LRRC75A: variants seen among roughly 807,000 people sequenced by gnomAD.
LRRC75A encodes the protein leucine-rich repeat-containing protein 75A.
In LRRC75A, 12 loss-of-function variants were observed where a neutral mutation model predicts 26.0. The ratio of observed to expected loss-of-function variants is 0.46; its 90% confidence interval spans 0.30 to 0.75. LRRC75A has a LOEUF of 0.75. Ranked by LOEUF, LRRC75A falls within the 30% of genes least tolerant of loss-of-function variation. The pLI is 0.08. For synonymous variants in LRRC75A, 223 were observed against 219.3 expected, an observed-to-expected ratio of 1.02 and a Z score of -0.15; for missense variants, 410 against 486.6, an observed-to-expected ratio of 0.84 and a Z score of 1.48.
Position 16,461,489 on chromosome 17 carries a change from G to A in LRRC75A, c.375+769C>T, listed in dbSNP as rs533095540. Among the ~76,000 whole-genome samples the A allele has an allele frequency of 3.1e-3, 476 of 152,368 alleles. 1 individual carries two copies. Among genetic ancestry groups the A allele is most frequent in the Admixed American group, 5.4e-3 (82 of 15,312 alleles). On this transcript the variant is annotated intron_variant, in intron 2 of 3. Transcript: ENST00000470794. ...CAGGTCGGGCTGCATAGCCCTGGGG[G>A]AGCCTAGACCTGGAGCTGCAGGAAC...
chr17:16,466,167 A>G (rs2143240980), intron 1 of LRRC75A, among the ~76,000 whole-genome samples: 1 of 152,284 alleles, frequency 6.6e-6, no homozygotes, highest in South Asian at 2.1e-4. Context: ...CCCTCCCCTA[A>G]GCCAGGCTAT....
intron 2 of LRRC75A, among the ~76,000 whole-genome samples, chr17:16,455,423 G>A (rs1378501202): frequency 2.0e-5 from 3 of 150,984 alleles, no homozygotes; most frequent in Non-Finnish European, 2.9e-5. Flanking sequence ...TCTGTCGCCC[G>A]GCTGGAGTGC....
At chr17:16,454,417 C>A (rs1313389939) in intron 2 of LRRC75A, among the ~76,000 whole-genome samples, 1 of 120,500 alleles carries the variant, frequency 8.3e-6, no homozygotes, top group African/African-American at 3.2e-5. Context: ...ACAGGCCAGG[C>A]GTGGTGGCTC....
At position 16,462,482 on chromosome 17, in the gene LRRC75A, C is replaced by A; in HGVS notation, c.247-96G>T. The A allele has an allele frequency of 1.3e-6, 2 of 1,521,776 alleles. No individual in the cohort carries two copies. The highest frequency in any genetic ancestry group is 1.8e-6 in the Non-Finnish European group (2 of 1,128,032). 94.3% of individuals were successfully genotyped at this position (1,521,776 alleles called of 1,614,324 possible). ...AGTAGGCACAGACCCCTAGAGGCGA[C>A]TCTGCCTCCCAGAGCCCCGGTGGGG... On this transcript the variant is annotated intron_variant, in intron 1 of 3. Coordinates refer to ENST00000470794, the MANE Select transcript of LRRC75A (RefSeq NM_001113567.3). This position sits in a 1 kb window ranked among gnomAD's most constrained non-coding sequence, Gnocchi z 4.6.
intron 1 of LRRC75A, among the ~76,000 whole-genome samples, chr17:16,465,778 C>G (rs908963585): frequency 3.9e-5 from 6 of 152,248 alleles, no homozygotes; most frequent in African/African-American, 1.2e-4. Context: ...CCTGGTTGCC[C>G]AGCTGCTGAC....
rs998000147 is a variant in LRRC75A at position 16,442,659 on chromosome 17, C to T, written c.*929G>A. On this transcript the variant is annotated 3_prime_UTR_variant, in exon 4 of 4. Transcript: ENST00000470794. ...CCTAGGTTTTTAAGGTTTTAAAGCC[C>T]ACCTTCTGCAGTCGGTTTTCTGGAA... 2 of 152,168 alleles carry T rather than the reference C, an allele frequency of 1.3e-5. No homozygotes were observed. Among genetic ancestry groups the T allele is most frequent in the Admixed American group, 6.5e-5 (1 of 15,270 alleles). 9.4% of individuals were successfully genotyped at this position (152,168 alleles called of 1,614,324 possible).
At chr17:16,482,062 C>A (rs531723628) in intron 1 of LRRC75A, among the ~76,000 whole-genome samples, 3 of 152,294 alleles carry the variant, frequency 2.0e-5, no homozygotes, top group Admixed American at 6.5e-5. Context: ...GGGGCAGGAC[C>A]TCCTGGGCCC....
At chr17:16,476,693 G>A (rs2093820442) in intron 1 of LRRC75A, among the ~76,000 whole-genome samples, 1 of 148,346 alleles carries the variant, frequency 6.7e-6, no homozygotes, top group Non-Finnish European at 1.5e-5. Context: ...AGTCTTTCGA[G>A]TAGCTGAGAT....
At chr17:16,458,369 T>G (rs1601135860) in intron 2 of LRRC75A, among the ~76,000 whole-genome samples, 1 of 152,138 alleles carries the variant, frequency 6.6e-6, no homozygotes, top group Non-Finnish European at 1.5e-5. Flanking sequence ...TATTATCACC[T>G]GTTGTGGGAT....
At position 16,462,507 on chromosome 17, in the gene LRRC75A, G is replaced by A; in HGVS notation, c.247-121C>T. On this transcript the variant is annotated intron_variant, in intron 1 of 3. Transcript: ENST00000470794. The surrounding 1 kb of genome is among the most constrained non-coding windows in gnomAD (Gnocchi z 4.6). ...CTCTGCCTCCCAGAGCCCCGGTGGG[G>A]AGCATCTGCAGAACTTCCCTCAGGG... The A allele has an allele frequency of 8.9e-6, 12 of 1,350,818 alleles. No homozygotes were observed. Among genetic ancestry groups the A allele is most frequent in the Non-Finnish European group, 1.2e-5 (12 of 997,292 alleles). The allele number at this position is 1,350,818 out of a possible 1,614,324, so 83.7% of individuals were successfully genotyped here. A position where few individuals can be genotyped will look rare whatever the true frequency, so the allele number is the denominator to read the frequency against.
intron 1 of LRRC75A, among the ~76,000 whole-genome samples, chr17:16,490,871 G>GCACT (rs1419249836): frequency 6.6e-6 from 1 of 152,206 alleles, no homozygotes; most frequent in Non-Finnish European, 1.5e-5. Flanking sequence ...GAGCAGCTTT[G>GCACT]CACTCCCCTG....
intron 2 of LRRC75A, 55 bp from the exon 3 acceptor site, chr17:16,448,015 A>G: frequency 1.4e-6 from 2 of 1,452,562 alleles, no homozygotes; most frequent in Non-Finnish European, 9.4e-7. Flanking sequence ...CACCAGTCTC[A>G]GCCCCCAGGC....
At chr17:16,476,797 A>G (rs1366326436) in intron 1 of LRRC75A, among the ~76,000 whole-genome samples, 24 of 134,056 alleles carry the variant, frequency 1.8e-4, no homozygotes, top group East Asian at 1.3e-3. Context: ...GGAGTGCAGT[A>G]GCACAATCTC....
At chr17:16,454,445 A>T (rs2093660218) in intron 2 of LRRC75A, among the ~76,000 whole-genome samples, 1 of 151,442 alleles carries the variant, frequency 6.6e-6, no homozygotes, top group Non-Finnish European at 1.5e-5. Context: ...TAATCCCAGC[A>T]CTTTGGGAGG....
intron 1 of LRRC75A, among the ~76,000 whole-genome samples, chr17:16,476,934 T>C (rs2093821839): frequency 6.6e-6 from 1 of 151,714 alleles, no homozygotes; most frequent in Admixed American, 6.6e-5. Flanking sequence ...GAGACGGGGT[T>C]TCACCGTGTT....
intron 1 of LRRC75A, among the ~76,000 whole-genome samples, chr17:16,471,271 G>C (rs978570238): frequency 2.0e-5 from 3 of 152,190 alleles, no homozygotes; most frequent in Non-Finnish European, 4.4e-5. Flanking sequence ...ATCTCCCCTG[G>C]AATCTCTGGA....
At chr17:16,475,943 A>C (rs2159337) in intron 1 of LRRC75A, among the ~76,000 whole-genome samples, 71,610 of 151,874 alleles carry the variant, frequency 0.47, 17,673 homozygotes, top group East Asian at 0.85. Flanking sequence ...CTGTAATCCC[A>C]GCACTTTGGG....
rs1283700126 is a variant in LRRC75A at position 16,441,891 on chromosome 17, AC to A, written c.*1696del. The A allele has an allele frequency of 7.4e-6, 1 of 135,790 alleles. No homozygotes were observed. Among genetic ancestry groups the A allele is most frequent in the Non-Finnish European group, 1.5e-5 (1 of 64,926 alleles). The allele number at this position is 135,790 out of a possible 1,614,324, so 8.4% of individuals were successfully genotyped here. ...AGGTTCTATACCTTTTAATGAATTGACTTTCATAAATTGGTTATGTTGGTGG... is the reference window on the plus strand; with the variant it reads ...AGGTTCTATACCTTTTAATGAATTGATTTCATAAATTGGTTATGTTGGTGG... On this transcript the variant is annotated 3_prime_UTR_variant, in exon 4 of 4. Transcript: ENST00000470794.
intron 2 of LRRC75A, among the ~76,000 whole-genome samples, chr17:16,455,877 G>A (rs948278581): frequency 4.6e-5 from 7 of 152,182 alleles, no homozygotes; most frequent in Non-Finnish European, 8.8e-5. Flanking sequence ...GCTTAGGTCA[G>A]TTCAAAGTGT....
Sources: allele counts gnomAD v4.1 joint callset (sites outside exome capture counted in the v4.1 genomes callset), GRCh38; gene constraint gnomAD v4.1.1; non-coding constraint Gnocchi (gnomAD v3.1); transcripts MANE v1.5; gene names NCBI Gene and HGNC (gene_info 2026-07-23, HGNC 2026-07-21).